The following MACROD2 variants were observed in gnomAD, a reference collection of about 807,000 sequenced individuals.
The protein encoded by MACROD2 is mono-ADP ribosylhydrolase 2.
MACROD2 carries 36 observed loss-of-function variants against 70.4 expected under a neutral mutation model. The observed-to-expected ratio is 0.51, with a 90% CI of 0.39 to 0.68. The LOEUF is 0.68. MACROD2 is among the 30% of genes least tolerant of loss of function. The pLI is 0.00. For synonymous variants in MACROD2, 172 were observed against 178.8 expected (o/e 0.96, Z 0.30); for missense variants, 496 against 538.4 (o/e 0.92, Z 0.78).
intron 5 of MACROD2, among the ~76,000 whole-genome samples, chr20:15,049,040 A>C (rs1430613985): frequency 1.3e-5 from 2 of 152,136 alleles, no homozygotes; most frequent in East Asian, 3.8e-4. Flanking sequence ...TGAAAAAATG[A>C]ATAACCCTTA....
At chr20:14,079,814 C>T (rs1022876007) in intron 2 of MACROD2, among the ~76,000 whole-genome samples, 3 of 152,124 alleles carry the variant, frequency 2.0e-5, no homozygotes, top group South Asian at 2.1e-4. Context: ...TTGGGAAAAC[C>T]GGCCTGGTAC....
At chr20:14,113,016 C>T (rs1293215682) in intron 3 of MACROD2, among the ~76,000 whole-genome samples, 1 of 151,738 alleles carries the variant, frequency 6.6e-6, no homozygotes, top group African/African-American at 2.4e-5. Context: ...TTATTTGTAG[C>T]CCAAATTTGT....
intron 3 of MACROD2, among the ~76,000 whole-genome samples, chr20:14,344,236 T>G (rs777169737): frequency 3.3e-5 from 5 of 152,218 alleles, no homozygotes; most frequent in Admixed American, 6.5e-5. Flanking sequence ...TTACTACAAT[T>G]AGCATTTATT....
chr20:15,498,314 G>A (rs1175126409), intron 7 of MACROD2, among the ~76,000 whole-genome samples: 1 of 152,116 alleles, frequency 6.6e-6, no homozygotes, highest in Non-Finnish European at 1.5e-5. Context: ...TGAACCATCA[G>A]TTTGAACTAC....
Position 15,755,149 on chromosome 20 carries a change from G to A in MACROD2, c.646-107596G>A, listed in dbSNP as rs145683496. Among the ~76,000 whole-genome samples, 245 of 152,220 alleles carry A rather than the reference G, an allele frequency of 1.6e-3. 1 individual carries two copies. Among genetic ancestry groups the A allele is most frequent in the African/African-American group, 5.7e-3 (237 of 41,524 alleles). Reference sequence around the variant, plus strand: ...GCTGAAATTACAGGCATGAGCCACCGCACACAGCCAGGAATTTGCATTTCT... The same window carrying A: ...GCTGAAATTACAGGCATGAGCCACCACACACAGCCAGGAATTTGCATTTCT... On this transcript the variant is annotated intron_variant, in intron 8 of 17. Transcript: ENST00000684519.
chr20:14,528,134 A>C (rs1021583462), intron 4 of MACROD2, among the ~76,000 whole-genome samples: 1 of 143,168 alleles, frequency 7.0e-6, no homozygotes, highest in African/African-American at 2.6e-5. Context: ...TTTGAGATGG[A>C]GTTTCACCCT....
intron 8 of MACROD2, among the ~76,000 whole-genome samples, chr20:15,672,013 C>A (rs1336060931): frequency 1.3e-5 from 2 of 152,138 alleles, no homozygotes; most frequent in African/African-American, 4.8e-5. Context: ...TAACCTGAGT[C>A]TCTGACCCAC....
intron 8 of MACROD2, among the ~76,000 whole-genome samples, chr20:15,708,551 C>T (rs1239031159): frequency 6.6e-6 from 1 of 152,052 alleles, no homozygotes; most frequent in Non-Finnish European, 1.5e-5. Context: ...GGAGGTCTCA[C>T]CAGAGAGGGA....
intron 3 of MACROD2, among the ~76,000 whole-genome samples, chr20:14,103,738 A>G (rs2054329376): frequency 6.6e-6 from 1 of 152,132 alleles, no homozygotes; most frequent in Admixed American, 6.5e-5. Flanking sequence ...TTTTTTGTTT[A>G]TAAATACAAT....
At chr20:16,004,778 C>T (rs552040415) in intron 15 of MACROD2, among the ~76,000 whole-genome samples, 3 of 152,326 alleles carry the variant, frequency 2.0e-5, no homozygotes, top group East Asian at 3.9e-4. Flanking sequence ...GCCATGGCTC[C>T]CTTCTCTCCG....
intron 8 of MACROD2, among the ~76,000 whole-genome samples, chr20:15,816,971 G>T (rs527292333): frequency 6.6e-6 from 1 of 152,212 alleles, no homozygotes; most frequent in African/African-American, 2.4e-5. Flanking sequence ...ATACCTACTT[G>T]TCCACGCACA....
intron 2 of MACROD2, among the ~76,000 whole-genome samples, chr20:14,056,203 A>C (rs916554850): frequency 8.5e-5 from 13 of 152,104 alleles, no homozygotes; most frequent in African/African-American, 3.1e-4. Context: ...TTATTAGCAA[A>C]CACTTATGTA....
At chr20:14,654,593 C>T (rs1438744313) in intron 4 of MACROD2, among the ~76,000 whole-genome samples, 1 of 151,314 alleles carries the variant, frequency 6.6e-6, no homozygotes, top group Non-Finnish European at 1.5e-5. Context: ...TCTATTTGAA[C>T]AGCAAAACCA....
chr20:14,238,376 C>G (rs911679334), intron 3 of MACROD2, among the ~76,000 whole-genome samples: 1 of 152,094 alleles, frequency 6.6e-6, no homozygotes, highest in Non-Finnish European at 1.5e-5. Flanking sequence ...GTTAGAAATA[C>G]TCAACACACC....
At chr20:14,485,369 G>A (rs1221390733) in intron 3 of MACROD2, among the ~76,000 whole-genome samples, 3 of 152,106 alleles carry the variant, frequency 2.0e-5, no homozygotes, top group African/African-American at 7.2e-5. Context: ...ATTTATTTTT[G>A]TCATAACCTC....
chr20:15,437,966 A>G (rs2046447967), intron 7 of MACROD2, among the ~76,000 whole-genome samples: 1 of 152,002 alleles, frequency 6.6e-6, no homozygotes, highest in Admixed American at 6.6e-5. Context: ...GAACAGTCAC[A>G]TGCATGTGTC....
intron 3 of MACROD2, among the ~76,000 whole-genome samples, chr20:14,439,466 C>T (rs920304407): frequency 6.6e-6 from 1 of 151,962 alleles, no homozygotes; most frequent in African/African-American, 2.4e-5. Context: ...AGTTTTTAGT[C>T]CACTAGTATT....
intron 6 of MACROD2, among the ~76,000 whole-genome samples, chr20:15,350,007 C>G (rs1463743123): frequency 2.0e-5 from 3 of 152,092 alleles, no homozygotes; most frequent in Non-Finnish European, 4.4e-5. Context: ...ACTGGGACCT[C>G]CTTGTCCATA....
chr20:14,966,314 GC>G (rs1368638294), intron 5 of MACROD2, among the ~76,000 whole-genome samples: 4 of 152,156 alleles, frequency 2.6e-5, no homozygotes, highest in Non-Finnish European at 5.9e-5. Context: ...TATGGAACAT[GC>G]CTATAATCCC....
Sources: gnomAD v4.1 joint callset for allele counts (sites outside exome capture counted in the v4.1 genomes callset) on GRCh38, gnomAD v4.1.1 for gene constraint, MANE v1.5 for transcripts, NCBI Gene and HGNC (gene_info 2026-07-23, HGNC 2026-07-21) for gene names.